AGAP2: variants seen among roughly 807,000 people sequenced by gnomAD.
AGAP2 encodes the protein ArfGAP with GTPase domain, ankyrin repeat and PH domain 2, also known as arf-GAP with GTPase, ANK repeat and PH domain-containing protein 2.
AGAP2 carries 32 observed loss-of-function variants against 110.9 expected under a neutral mutation model. The observed-to-expected ratio is 0.29, with a 90% CI of 0.22 to 0.39. AGAP2 has a LOEUF of 0.39. Ranked by LOEUF, AGAP2 falls within the 10% of genes least tolerant of loss-of-function variation. AGAP2 has a pLI of 1.00. For missense variants in AGAP2, 1,285 were observed against 1,638.5 expected, an observed-to-expected ratio of 0.78 and a Z score of 3.72; for synonymous variants, 702 against 713.0, an observed-to-expected ratio of 0.98 and a Z score of 0.25.
upstream of AGAP2, among the ~76,000 whole-genome samples, chr12:57,741,096 G>A (rs1274309892): frequency 6.6e-6 from 1 of 152,216 alleles, no homozygotes; most frequent in Non-Finnish European, 1.5e-5. Context: ...CAGCGAGCTG[G>A]AACAACCTCC....
At chr12:57,735,481 C>T in intron 1 of AGAP2, 54 bp from the exon 2 acceptor site, 1 of 1,523,958 alleles carries the variant, frequency 6.6e-7, no homozygotes, top group Non-Finnish European at 9.0e-7. Flanking sequence ...GAAGGACCCC[C>T]AACACTGAGC....
Position 57,730,966 on chromosome 12 carries a change from A to G in AGAP2, c.2146-13T>C, listed in dbSNP as rs1363201108. 1.3e-6 allele frequency: 2 copies of G among 1,510,312 alleles called. No individual in the cohort carries two copies. The highest frequency in any genetic ancestry group is 4.2e-5 in the Admixed American group (2 of 47,140). The allele number at this position is 1,510,312 out of a possible 1,614,324, so 93.6% of individuals were successfully genotyped here. A position where few individuals can be genotyped will look rare whatever the true frequency, so the allele number is the denominator to read the frequency against. On this transcript the variant is annotated splice_polypyrimidine_tract_variant and intron_variant, in intron 10 of 18. Transcript: ENST00000547588. ...TGTGGATGTAATCCTGGAGGGGTACAGGGCCGAGAGTGTAGGGAAGGTTGG... is the reference window on the plus strand; with the variant it reads ...TGTGGATGTAATCCTGGAGGGGTACGGGGCCGAGAGTGTAGGGAAGGTTGG...
rs1388712923 is a variant in AGAP2 at position 57,737,918 on chromosome 12, C to T, written c.329G>A (p.Arg110His). The change falls in exon 1 of 19, where the codon CGC becomes CAC. Residue 110 changes from arginine (R) to histidine (H), a missense_variant. Arg to His is a conservative substitution (Grantham distance 29). Coordinates refer to ENST00000547588, the MANE Select transcript of AGAP2 (RefSeq NM_001122772.3). The surrounding 1 kb of genome is among the most constrained non-coding windows in gnomAD (Gnocchi z 5.9). ...AGGGACGGCCCAGAGGGAGAGGCGG[C>T]GGCCGGGAGCGGGGGAGACTGGGCG... Reference protein sequence around the residue: ...PARPVSPAPGRRLSLWAVPPG... With the variant: ...PARPVSPAPGHRLSLWAVPPG... 7.2e-7 allele frequency: 1 copy of T among 1,389,392 alleles called. No homozygotes were observed. The highest frequency in any genetic ancestry group is 9.2e-7 in the Non-Finnish European group (1 of 1,082,712). 86.1% of individuals were successfully genotyped at this position (1,389,392 alleles called of 1,614,324 possible).
At position 57,727,596 on chromosome 12, in the gene AGAP2, G is replaced by A. The variant is rs1954795626; in HGVS notation, c.2858-14C>T. 2 of 1,596,832 alleles carry A rather than the reference G, an allele frequency of 1.3e-6. No individual in the cohort carries two copies. Among genetic ancestry groups the A allele is most frequent in the Non-Finnish European group, 8.5e-7 (1 of 1,173,956 alleles). ...CCCACGTGGGGTCTGCGGAAGGAGC[G>A]TAGAGGTCGGCTCCCAGCCGGGCAG... On this transcript the variant is annotated splice_polypyrimidine_tract_variant and intron_variant, in intron 16 of 18. Coordinates refer to ENST00000547588, the MANE Select transcript of AGAP2 (RefSeq NM_001122772.3).
chr12:57,739,014 T>C (rs1955044138), upstream of AGAP2, among the ~76,000 whole-genome samples: 1 of 137,730 alleles, frequency 7.3e-6, no homozygotes. Context: ...CCCCCACCTT[T>C]TCTCCACCAG....
Position 57,738,553 on chromosome 12 carries a change from G to A in AGAP2, c.-307C>T, listed in dbSNP as rs1358364542. Among the ~76,000 whole-genome samples, 2 of 151,914 alleles carry A rather than the reference G, an allele frequency of 1.3e-5. No homozygotes were observed. Among genetic ancestry groups the A allele is most frequent in the African/African-American group, 4.8e-5 (2 of 41,368 alleles). On this transcript the variant is annotated 5_prime_UTR_variant, in exon 1 of 19. Coordinates refer to ENST00000547588, the MANE Select transcript of AGAP2 (RefSeq NM_001122772.3). The surrounding 1 kb of genome is among the most constrained non-coding windows in gnomAD (Gnocchi z 6.7). ...GGCCTGGGTGGGGGCGCTGAGATGGGTGGGGGAGGGCGGGGAGGACAGTAG... is the reference window on the plus strand; with the variant it reads ...GGCCTGGGTGGGGGCGCTGAGATGGATGGGGGAGGGCGGGGAGGACAGTAG...
rs1402533600 is a variant in AGAP2, at chr12:57,726,983, C to T, written c.3327G>A (p.Leu1109=). 3.8e-6 allele frequency: 6 copies of T among 1,587,934 alleles called. No homozygotes were observed. Among genetic ancestry groups the T allele is most frequent in the Non-Finnish European group, 4.3e-6 (5 of 1,166,916 alleles). The change falls in exon 18 of 19, where the codon CTG becomes CTA. Residue 1109 remains leucine, a synonymous_variant. Coordinates refer to ENST00000547588, the MANE Select transcript of AGAP2 (RefSeq NM_001122772.3). The surrounding 1 kb of genome is among the most constrained non-coding windows in gnomAD (Gnocchi z 5.7). ...AELAHVVITQ[L]LLWYGADVAA... is the part of the protein sequence containing the mutation. ...CCCCCAGCTCACGTACCCACAGCAG[C>T]AGTTGCGTGATGACGACGTGGGCGA...
At chr12:57,736,106 C>T (rs1451823168) in intron 1 of AGAP2, among the ~76,000 whole-genome samples, 1 of 152,180 alleles carries the variant, frequency 6.6e-6, no homozygotes, top group East Asian at 1.9e-4. Context: ...CAGCCAGGTC[C>T]AGCCCCCGCG....
At position 57,737,391 on chromosome 12, in the gene AGAP2, G is replaced by C. The variant is rs765784566; in HGVS notation, c.856C>G (p.Pro286Ala). The part of the protein sequence containing the change: ...LDNSDLHPGP[P>A]AGSPPPLTLP... ...GTTAGCGGAGGAGGAGAGCCGGCAGGCGGTCCCGGATGCAAGTCACTGTTG... is the reference window on the plus strand; with the variant it reads ...GTTAGCGGAGGAGGAGAGCCGGCAGCCGGTCCCGGATGCAAGTCACTGTTG... The change falls in exon 1 of 19, where the codon CCT becomes GCT. Residue 286 changes from proline to alanine, a missense_variant. By Grantham distance (27) the Pro-to-Ala change is conservative. This residue lies in a region of AGAP2 where 844 missense variants were observed against 941.2 expected (regional missense o/e 0.90). Transcript: ENST00000547588. This position sits in a 1 kb window ranked among gnomAD's most constrained non-coding sequence, Gnocchi z 5.9. The C allele has an allele frequency of 2.5e-6, 4 of 1,613,886 alleles. No individual in the cohort carries two copies. The highest frequency in any genetic ancestry group is 3.4e-6 in the Non-Finnish European group (4 of 1,179,834).
intron 7 of AGAP2, 109 bp from the exon 8 acceptor site, chr12:57,732,076 T>C: frequency 8.0e-7 from 1 of 1,252,156 alleles, no homozygotes; most frequent in South Asian, 1.5e-5. Flanking sequence ...ACCTCACCAT[T>C]TATTTATGTT....
chr12:57,737,713 G>C lies in AGAP2; in HGVS notation c.534C>G (p.Leu178=). Reference sequence around the variant, plus strand: ...GAGCCGGCGGAGGAGGCGCCACCTTGAGCCTCCGGCTGCCGGTGCCAGGGT... The same window carrying C: ...GAGCCGGCGGAGGAGGCGCCACCTTCAGCCTCCGGCTGCCGGTGCCAGGGT... The part of the protein sequence containing the change: ...SPHPGTGSRR[L]KVAPPPPAPK... Residue 178 remains leucine (L), a synonymous_variant, in exon 1 of 19, where the codon CTC becomes CTG. Coordinates refer to ENST00000547588, the MANE Select transcript of AGAP2 (RefSeq NM_001122772.3). This position sits in a 1 kb window ranked among gnomAD's most constrained non-coding sequence, Gnocchi z 5.9. The C allele has an allele frequency of 6.5e-7, 1 of 1,548,812 alleles. No individual in the cohort carries two copies. Among genetic ancestry groups the C allele is most frequent in the Non-Finnish European group, 8.7e-7 (1 of 1,150,750 alleles).
rs1228719824 is a variant in AGAP2 at position 57,730,851 on chromosome 12, A to G, written c.2248T>C (p.Ser750Pro). 1 of 1,613,648 alleles carries G rather than the reference A, an allele frequency of 6.2e-7. No individual in the cohort carries two copies. The highest frequency in any genetic ancestry group is 8.5e-7 in the Non-Finnish European group (1 of 1,179,912). The change falls in exon 11 of 19, where the codon TCA (serine) becomes CCA (proline). Residue 750 changes from serine (S) to proline (P), a missense_variant. Physicochemically the swap from Ser to Pro is moderately conservative, Grantham distance 74. Transcript: ENST00000547588. Reference protein sequence around the residue: ...PPRAISAFGPSASINGLVKDM... With the variant: ...PPRAISAFGPPASINGLVKDM... ...TTGACGAGCCCGTTAATGCTGGCTG[A>G]GGGGCCAAAGGCAGAGATGGCCCTC...
intron 1 of AGAP2, among the ~76,000 whole-genome samples, chr12:57,735,918 G>A (rs914291043): frequency 6.6e-6 from 1 of 152,098 alleles, no homozygotes; most frequent in East Asian, 1.9e-4. Context: ...CTTCTTCAAG[G>A]TCAACGGCAC....
At position 57,727,163 on chromosome 12, in the gene AGAP2, G is replaced by C; in HGVS notation, c.3147C>G (p.Thr1049=). ...EQLLFLAPLS[T]SEEPLGRQLW... ...GCTGGCGGCCCAGCGGCTCCTCCGAGGTGCTCAGCGGCGCCAGGAACAGTA... is the reference window on the plus strand; with the variant it reads ...GCTGGCGGCCCAGCGGCTCCTCCGACGTGCTCAGCGGCGCCAGGAACAGTA... Residue 1049 remains threonine (T), a synonymous_variant, in exon 18 of 19, where the codon ACC becomes ACG. Transcript: ENST00000547588. 6.2e-7 allele frequency: 1 copy of C among 1,608,346 alleles called. No homozygotes were observed. Among genetic ancestry groups the C allele is most frequent in the South Asian group, 1.1e-5 (1 of 90,330 alleles).
rs1555199431 is a variant in AGAP2, at chr12:57,735,410, G to A, written c.1186C>T (p.Gln396Ter). 1 of 1,613,782 alleles carries A rather than the reference G, an allele frequency of 6.2e-7. No individual in the cohort carries two copies. Among genetic ancestry groups the A allele is most frequent in the Non-Finnish European group, 8.5e-7 (1 of 1,179,950 alleles). ...RASPKAVINS[Q>*]EWTLSRSIPE... ...ATGGAGCGGCTCAAAGTCCATTCCT[G>A]GCTATTGATCACAGCCTCTGTAACG... The change falls in exon 2 of 19, where the codon CAG becomes TAG. Residue 396 changes from glutamine to a stop codon, truncating the protein, a stop_gained. Coordinates refer to ENST00000547588, the MANE Select transcript of AGAP2 (RefSeq NM_001122772.3). LOFTEE classifies it high-confidence loss of function.
intron 13 of AGAP2, 137 bp downstream of exon 13, chr12:57,729,498 TTCAC>T: frequency 8.1e-7 from 1 of 1,234,396 alleles, no homozygotes; most frequent in Non-Finnish European, 1.1e-6. Context: ...CATCCACTCT[TTCAC>T]TAAGTTGTGT....
intron 7 of AGAP2, among the ~76,000 whole-genome samples, 191 bp downstream of exon 7, chr12:57,732,212 A>G (rs759994715): frequency 1.3e-5 from 2 of 152,206 alleles, no homozygotes; most frequent in African/African-American, 2.4e-5. Flanking sequence ...TGAGTTGCTT[A>G]AGGACACTGC....
At position 57,737,514 on chromosome 12, in the gene AGAP2, C is replaced by T; in HGVS notation, c.733G>A (p.Gly245Arg). ...GAGGTCGAAGCTGTAGAGCCCCCTC[C>T]CCCGGCGGCGGCGGCGGTGGCGGCG... The part of the protein sequence containing the change: ...SAAATAAAAG[G>R]GGSTASTSGG... Residue 245 changes from glycine to arginine, a missense_variant, in exon 1 of 19, where the codon GGA becomes AGA. Physicochemically the swap from Gly to Arg is moderately radical, Grantham distance 125 (BLOSUM62 -2). Around this residue, in one of 7 missense-constraint regions of AGAP2, gnomAD observed 844 missense variants for 941.2 expected, o/e 0.90. Coordinates refer to ENST00000547588, the MANE Select transcript of AGAP2 (RefSeq NM_001122772.3). The surrounding 1 kb of genome is among the most constrained non-coding windows in gnomAD (Gnocchi z 5.9). The T allele has an allele frequency of 6.3e-7, 1 of 1,585,138 alleles. No individual in the cohort carries two copies. Among genetic ancestry groups the T allele is most frequent in the Non-Finnish European group, 8.6e-7 (1 of 1,165,760 alleles).
At chr12:57,732,181 T>C (rs994214619) in intron 7 of AGAP2, among the ~76,000 whole-genome samples, 5 of 152,242 alleles carry the variant, frequency 3.3e-5, no homozygotes, top group African/African-American at 4.8e-5. Context: ...ACAATCTTCC[T>C]GATAGCCTTG....
Sources: allele counts gnomAD v4.1 joint callset (sites outside exome capture counted in the v4.1 genomes callset), GRCh38; gene constraint gnomAD v4.1.1; regional missense constraint gnomAD v4.1.1; non-coding constraint Gnocchi (gnomAD v3.1); transcripts MANE v1.5; gene names NCBI Gene and HGNC (gene_info 2026-07-23, HGNC 2026-07-21).